Variants in PRUNE2 observed in about 807,000 individuals in gnomAD.
PRUNE2 encodes the protein protein prune homolog 2.
PRUNE2 carries 164 observed loss-of-function variants against 252.0 expected under a neutral mutation model. That is an observed-to-expected ratio of 0.65 (90% CI 0.57 to 0.74). The LOEUF is 0.74. Among genes scored for constraint, PRUNE2 ranks in the 30% least tolerant of loss-of-function variants. The probability of loss-of-function intolerance (pLI) is 0.00; values close to 1 mark genes in which losing one functional copy is unlikely to be tolerated. For missense variants in PRUNE2, 3,495 were observed against 3,711.0 expected (o/e 0.94, Z 1.51); for synonymous variants, 1,292 against 1,350.2 (o/e 0.96, Z 0.94).
intron 9 of PRUNE2, among the ~76,000 whole-genome samples, chr9:76,690,643 A>G (rs1015877430): frequency 2.6e-5 from 4 of 152,146 alleles, no homozygotes; most frequent in East Asian, 1.9e-4. Flanking sequence ...ACCATTGGGG[A>G]AAAAAAGTTA....
At chr9:76,858,019 T>G (rs562620220) in intron 1 of PRUNE2, among the ~76,000 whole-genome samples, 1 of 152,356 alleles carries the variant, frequency 6.6e-6, no homozygotes, top group African/African-American at 2.4e-5. Context: ...ATCTTAATAC[T>G]GATGTCCCTT....
chr9:76,868,248 C>T (rs926962706), intron 1 of PRUNE2, among the ~76,000 whole-genome samples: 4 of 152,262 alleles, frequency 2.6e-5, no homozygotes, highest in South Asian at 4.2e-4. Flanking sequence ...TGGAGAAAAA[C>T]ATCCAAAATA....
intron 9 of PRUNE2, among the ~76,000 whole-genome samples, chr9:76,694,203 A>C (rs1588639636): frequency 6.6e-6 from 1 of 151,790 alleles, no homozygotes; most frequent in Non-Finnish European, 1.5e-5. Context: ...GACGGAGCCT[A>C]GCTCTGTTGC....
chr9:76,779,478 G>C (rs1194493453), intron 6 of PRUNE2, among the ~76,000 whole-genome samples: 4 of 152,158 alleles, frequency 2.6e-5, no homozygotes, highest in Non-Finnish European at 5.9e-5. Context: ...AAAAATGGTG[G>C]CTGTCAACAT....
intron 9 of PRUNE2, among the ~76,000 whole-genome samples, chr9:76,664,351 C>T (rs1163115743): frequency 1.3e-5 from 2 of 152,154 alleles, no homozygotes; most frequent in Middle Eastern, 3.2e-3. Context: ...GCCATGTGAA[C>T]GAGCCATCTT....
chr9:76,676,816 C>T (rs1180901123), intron 9 of PRUNE2, among the ~76,000 whole-genome samples: 1 of 152,062 alleles, frequency 6.6e-6, no homozygotes, highest in Non-Finnish European at 1.5e-5. Flanking sequence ...TGACATTTTC[C>T]AAAATAAAGT....
intron 1 of PRUNE2, among the ~76,000 whole-genome samples, chr9:76,900,112 TGGAGAA>T (rs2063081804): frequency 6.6e-6 from 1 of 152,160 alleles, no homozygotes; most frequent in Admixed American, 6.5e-5. Context: ...AGTTTTCAGC[TGGAGAA>T]ACTGGATGAA....
chr9:76,839,765 C>T (rs55781626), intron 4 of PRUNE2, among the ~76,000 whole-genome samples: 3,876 of 152,222 alleles, frequency 0.025, 161 homozygotes, highest in African/African-American at 0.087. Flanking sequence ...AGAATGGAGG[C>T]TTGAACTGAG....
intron 6 of PRUNE2, among the ~76,000 whole-genome samples, chr9:76,800,428 A>C (rs939010275): frequency 6.6e-6 from 1 of 152,212 alleles, no homozygotes; most frequent in Non-Finnish European, 1.5e-5. Context: ...GACATGATTG[A>C]GAATTTATTT....
At chr9:76,811,688 T>A (rs115220666) in intron 6 of PRUNE2, among the ~76,000 whole-genome samples, 1,751 of 152,308 alleles carry the variant, frequency 0.011, 27 homozygotes, top group African/African-American at 0.038. Flanking sequence ...TAAGGTGCAG[T>A]GATGCATAAA....
chr9:76,643,371 C>A (rs1274472449), intron 12 of PRUNE2, among the ~76,000 whole-genome samples: 1 of 152,118 alleles, frequency 6.6e-6, no homozygotes, highest in African/African-American at 2.4e-5. Context: ...TTACAGGCAG[C>A]CTTTGTTTTG....
At chr9:76,817,939 G>A (rs545078874) in intron 6 of PRUNE2, 3 of 152,248 alleles carry the variant, frequency 2.0e-5, no homozygotes, top group Admixed American at 2.0e-4. Context: ...GAACCTAGAG[G>A]AGAGTTTTCA....
At chr9:76,639,413 C>T (rs774368208) in intron 12 of PRUNE2, among the ~76,000 whole-genome samples, 14 of 152,152 alleles carry the variant, frequency 9.2e-5, no homozygotes, top group Non-Finnish European at 1.8e-4. Context: ...ATTGCTTAAG[C>T]CTGCGAGGCA....
chr9:76,686,263 A>C (rs1033205925), intron 9 of PRUNE2, among the ~76,000 whole-genome samples: 5 of 152,202 alleles, frequency 3.3e-5, no homozygotes, highest in Admixed American at 2.6e-4. Flanking sequence ...TCTGTCTTAT[A>C]CATCACTCAC....
intron 6 of PRUNE2, chr9:76,782,966 A>G (rs180885179): frequency 3.6e-4 from 55 of 152,320 alleles, no homozygotes; most frequent in African/African-American, 1.2e-3. Flanking sequence ...GAATTAGACA[A>G]TCTTTAAGAT....
intron 6 of PRUNE2, among the ~76,000 whole-genome samples, chr9:76,723,941 G>A (rs1218451710): frequency 1.3e-5 from 2 of 151,104 alleles, no homozygotes; most frequent in Non-Finnish European, 2.9e-5. Context: ...CCGAGTAGCT[G>A]GGACTACAGG....
intron 9 of PRUNE2, among the ~76,000 whole-genome samples, chr9:76,698,830 A>G (rs1262062682): frequency 6.6e-6 from 1 of 152,174 alleles, no homozygotes; most frequent in Non-Finnish European, 1.5e-5. Flanking sequence ...AAAATTACTA[A>G]TTTAAAAAGA....
chr9:76,744,771 G>T (rs118005221), intron 6 of PRUNE2, among the ~76,000 whole-genome samples: 2,852 of 152,260 alleles, frequency 0.019, 36 homozygotes, highest in Non-Finnish European at 0.031. Context: ...CATCCCAGGG[G>T]AGCTTGCAGC....
At chr9:76,665,244 C>G (rs2039898281) in intron 9 of PRUNE2, among the ~76,000 whole-genome samples, 1 of 152,206 alleles carries the variant, frequency 6.6e-6, no homozygotes, top group African/African-American at 2.4e-5. Context: ...CTCAAGCCTC[C>G]TTTCTCATTC....
Sources: gnomAD v4.1 joint callset for allele counts (sites outside exome capture counted in the v4.1 genomes callset) on GRCh38, gnomAD v4.1.1 for gene constraint, MANE v1.5 for transcripts, NCBI Gene and HGNC (gene_info 2026-07-23, HGNC 2026-07-21) for gene names.